The following NBEA variants were observed in gnomAD, a reference collection of about 807,000 sequenced individuals.
The protein encoded by NBEA is lysosomal-trafficking regulator 2.
In NBEA, 44 loss-of-function variants were observed where a neutral mutation model predicts 343.4. That is an observed-to-expected ratio of 0.13 (90% CI 0.10 to 0.16). NBEA has a LOEUF of 0.16. Ranked by LOEUF, NBEA falls within the 10% of genes least tolerant of loss-of-function variation. The pLI, the probability that NBEA is intolerant of heterozygous loss-of-function variation, is 1.00. For synonymous variants in NBEA, 1,175 were observed against 1,238.7 expected (o/e 0.95, Z 1.08); for missense variants, 2,555 against 3,631.3 (o/e 0.70, Z 7.62).
At chr13:35,284,966 A>G (rs1243227278) in intron 34 of NBEA, among the ~76,000 whole-genome samples, 1 of 152,188 alleles carries the variant, frequency 6.6e-6, no homozygotes, top group Non-Finnish European at 1.5e-5. Flanking sequence ...TCACAATACC[A>G]TGGGAGAAGT....
intron 8 of NBEA, among the ~76,000 whole-genome samples, chr13:35,068,319 T>G (rs2063731669): frequency 6.6e-6 from 1 of 152,192 alleles, no homozygotes; most frequent in Admixed American, 6.6e-5. Flanking sequence ...ACAAAATGAT[T>G]TTAAATCTTT....
chr13:35,062,890 G>A (rs1402954613), intron 8 of NBEA, among the ~76,000 whole-genome samples: 2 of 151,896 alleles, frequency 1.3e-5, no homozygotes, highest in Non-Finnish European at 2.9e-5. Flanking sequence ...TTGTGGAGAG[G>A]CTATAAATGC....
chr13:35,571,110 G>T (rs1179491961), intron 45 of NBEA, among the ~76,000 whole-genome samples: 2 of 152,112 alleles, frequency 1.3e-5, no homozygotes. Flanking sequence ...ATAATTCTTA[G>T]CAGTGAATAA....
At chr13:35,446,649 A>G (rs1415383264) in intron 39 of NBEA, among the ~76,000 whole-genome samples, 1 of 152,188 alleles carries the variant, frequency 6.6e-6, no homozygotes, top group Non-Finnish European at 1.5e-5. Context: ...TTTAGAGAAT[A>G]TGAGGTGCAA....
intron 37 of NBEA, among the ~76,000 whole-genome samples, chr13:35,350,475 T>G (rs892781357): frequency 9.2e-5 from 14 of 152,052 alleles, no homozygotes; most frequent in African/African-American, 3.1e-4. Flanking sequence ...AACAATATTT[T>G]TATCCCCCAC....
chr13:35,192,372 G>GT (rs369461557), intron 30 of NBEA, among the ~76,000 whole-genome samples: 1 of 151,628 alleles, frequency 6.6e-6, no homozygotes, highest in Non-Finnish European at 1.5e-5. Flanking sequence ...CTACTGATCT[G>GT]TTTTTTTATT....
intron 41 of NBEA, among the ~76,000 whole-genome samples, chr13:35,484,780 CA>C (rs1165682706): frequency 4.6e-5 from 7 of 152,096 alleles, no homozygotes; most frequent in African/African-American, 1.7e-4. Context: ...ATAGATTTTA[CA>C]TTAACACAAA....
At chr13:35,521,234 T>A (rs2077696233) in intron 41 of NBEA, among the ~76,000 whole-genome samples, 1 of 152,114 alleles carries the variant, frequency 6.6e-6, no homozygotes, top group Non-Finnish European at 1.5e-5. Flanking sequence ...AGTTCCTAGT[T>A]TTACATCTGG....
intron 41 of NBEA, among the ~76,000 whole-genome samples, chr13:35,547,146 A>T (rs888678781): frequency 2.0e-5 from 3 of 152,206 alleles, no homozygotes; most frequent in East Asian, 1.9e-4. Context: ...TTTGAAAAGC[A>T]TATAAGAACA....
intron 38 of NBEA, among the ~76,000 whole-genome samples, chr13:35,428,271 G>T (rs1482069142): frequency 6.6e-6 from 1 of 152,050 alleles, no homozygotes; most frequent in African/African-American, 2.4e-5. Context: ...CGGCCATCTT[G>T]GCTCCTCCCC....
At chr13:35,253,075 A>G (rs2032162686) in intron 34 of NBEA, among the ~76,000 whole-genome samples, 1 of 152,168 alleles carries the variant, frequency 6.6e-6, no homozygotes. Context: ...GCTCTTCTCA[A>G]AGGCTCTGTG....
intron 10 of NBEA, among the ~76,000 whole-genome samples, chr13:35,082,419 T>G (rs898504798): frequency 2.6e-5 from 4 of 152,192 alleles, no homozygotes; most frequent in African/African-American, 9.7e-5. Context: ...TTATAATCCC[T>G]TGGATATATA....
chr13:35,217,343 T>G (rs891968575), intron 33 of NBEA, among the ~76,000 whole-genome samples: 1 of 151,890 alleles, frequency 6.6e-6, no homozygotes. Context: ...TTTTAATGGG[T>G]TTTTTAGCAG....
intron 10 of NBEA, among the ~76,000 whole-genome samples, chr13:35,074,266 T>G (rs2152581254): frequency 6.6e-6 from 1 of 152,284 alleles, no homozygotes; most frequent in Non-Finnish European, 1.5e-5. Flanking sequence ...TTATGTAGAC[T>G]GAGTACATAT....
intron 36 of NBEA, among the ~76,000 whole-genome samples, chr13:35,335,776 C>T (rs888870057): frequency 6.6e-6 from 1 of 151,878 alleles, no homozygotes; most frequent in African/African-American, 2.4e-5. Context: ...AGTGCGTTAA[C>T]CAAAAGTTTG....
At chr13:35,156,943 C>A (rs760906767) in intron 20 of NBEA, 135 bp from the exon 21 acceptor site, 1 of 536,590 alleles carries the variant, frequency 1.9e-6, no homozygotes, top group Non-Finnish European at 3.1e-6. Context: ...GAATATATAA[C>A]GTGCAGCATG....
intron 52 of NBEA, among the ~76,000 whole-genome samples, chr13:35,650,833 C>T (rs2084483027): frequency 1.3e-5 from 2 of 152,184 alleles, no homozygotes; most frequent in Admixed American, 6.5e-5. Flanking sequence ...GAGGACTCCC[C>T]GTCTCCAGAG....
At chr13:34,961,340 A>G (rs1263457708) in intron 1 of NBEA, among the ~76,000 whole-genome samples, 1 of 152,070 alleles carries the variant, frequency 6.6e-6, no homozygotes, top group Non-Finnish European at 1.5e-5. Flanking sequence ...TCAGATATTA[A>G]TGTTTAACAT....
chr13:35,087,775 C>T (rs1453638729), intron 10 of NBEA, among the ~76,000 whole-genome samples: 5 of 151,718 alleles, frequency 3.3e-5, no homozygotes, highest in African/African-American at 1.2e-4. Flanking sequence ...ACAGAATAGT[C>T]AGAAGGCAAA....
Sources: allele counts gnomAD v4.1 joint callset (sites outside exome capture counted in the v4.1 genomes callset), GRCh38; gene constraint gnomAD v4.1.1; transcripts MANE v1.5; gene names NCBI Gene and HGNC (gene_info 2026-07-23, HGNC 2026-07-21).